SLC11A2: variants seen among roughly 807,000 people sequenced by gnomAD.
The protein encoded by SLC11A2 is solute carrier family 11 member 2, also known as natural resistance-associated macrophage protein 2.
SLC11A2 carries 38 observed loss-of-function variants against 68.0 expected under a neutral mutation model. The observed-to-expected ratio is 0.56, with a 90% CI of 0.43 to 0.73. SLC11A2 has a LOEUF of 0.73. Ranked by LOEUF, SLC11A2 falls within the 30% of genes least tolerant of loss-of-function variation. The probability of loss-of-function intolerance (pLI) is 0.00; values close to 1 mark genes in which losing one functional copy is unlikely to be tolerated. For synonymous variants in SLC11A2, 242 were observed against 250.6 expected, an observed-to-expected ratio of 0.97 and a Z score of 0.32; for missense variants, 517 against 690.5, an observed-to-expected ratio of 0.75 and a Z score of 2.82.
At chr12:50,997,077 C>T in intron 8 of SLC11A2, 105 bp from the exon 9 acceptor site, 1 of 900,822 alleles carries the variant, frequency 1.1e-6, no homozygotes, top group Non-Finnish European at 1.8e-6. Flanking sequence ...ATGCCTTCTT[C>T]CTTATTTTTA....
In SLC11A2 at chr12:50,999,331, C is replaced by T. The variant is rs756323691; in HGVS notation, c.607+14G>A. 2 of 1,612,558 alleles carry T rather than the reference C, an allele frequency of 1.2e-6. No individual in the cohort carries two copies. The highest frequency in any genetic ancestry group is 2.2e-5 in the South Asian group (2 of 91,048). On this transcript the variant is annotated intron_variant, in intron 7 of 15. Transcript: ENST00000262052. ...GAGCAGCTCCTTTGACCCTCCCATT[C>T]CCGCTCTCCTTACCATATTTGTCCA...
upstream of SLC11A2, chr12:51,028,560 G>T (rs1336520960): frequency 2.4e-5 from 6 of 250,044 alleles, no homozygotes; most frequent in African/African-American, 1.3e-4. Flanking sequence ...GCCAGTGGTT[G>T]AAAGGGGTGG....
chr12:50,994,489 A>G (rs528820474), intron 11 of SLC11A2, 55 bp downstream of exon 11: 7 of 1,125,202 alleles, frequency 6.2e-6, no homozygotes, highest in South Asian at 6.2e-5. Flanking sequence ...AAGACCACAT[A>G]CTATGCTAAA....
chr12:51,005,050 T>A, intron 4 of SLC11A2, 143 bp from the exon 5 acceptor site: 1 of 1,084,026 alleles, frequency 9.2e-7, no homozygotes, highest in Non-Finnish European at 1.4e-6. Context: ...TTGAGTTCTA[T>A]AACAGATTTT....
the SLC11A2 span, among the ~76,000 whole-genome samples, chr12:50,965,506 T>A: frequency 2.0e-5 from 3 of 152,282 alleles, no homozygotes; most frequent in African/African-American, 7.2e-5. Context: ...GTGTAAGAAT[T>A]CTGACAGTTG....
intron 5 of SLC11A2, among the ~76,000 whole-genome samples, chr12:51,002,899 C>T (rs1292424136): frequency 1.3e-5 from 2 of 150,522 alleles, no homozygotes; most frequent in Non-Finnish European, 2.9e-5. Context: ...GAGATCACGC[C>T]ACTGTACTCC....
In SLC11A2 at chr12:50,992,926, C is replaced by T; in HGVS notation, c.1081G>A (p.Val361Ile). ...GGCCCAAAGTAACATCCCAGCACAA[C>T]ACCCTGTGAGAGGCCAAGAGGAAGG... Reference protein sequence around the residue: ...TLAVDIYKGGVVLGCYFGPAA... With the variant: ...TLAVDIYKGGIVLGCYFGPAA... The change falls in exon 12 of 16, where the codon GTT (valine) becomes ATT (isoleucine). Residue 361 changes from valine (V) to isoleucine (I), a missense_variant. By Grantham distance (29) the Val-to-Ile change is conservative. Transcript: ENST00000262052. 2 of 1,613,832 alleles carry T rather than the reference C, an allele frequency of 1.2e-6. No individual in the cohort carries two copies. The highest frequency in any genetic ancestry group is 1.7e-6 in the Non-Finnish European group (2 of 1,179,918).
At position 50,986,678 on chromosome 12, in the gene SLC11A2, A is replaced by G. The variant is rs971412714; in HGVS notation, c.*1647T>C. ...AGTGCCTTTATGACCAGTTTGGAGA[A>G]TTACGATGGTAAGGGGAAGAGGCAG... On this transcript the variant is annotated 3_prime_UTR_variant, in exon 16 of 16. Transcript: ENST00000262052. 1.6e-5 allele frequency: 20 copies of G among 1,286,672 alleles called. No individual in the cohort carries two copies. The highest frequency in any genetic ancestry group is 2.0e-5 in the Non-Finnish European group (20 of 988,398). The allele number at this position is 1,286,672 out of a possible 1,614,324, so 79.7% of individuals were successfully genotyped here.
chr12:51,022,725 C>G (rs997866314), intron 1 of SLC11A2, among the ~76,000 whole-genome samples: 1 of 152,166 alleles, frequency 6.6e-6, no homozygotes, highest in South Asian at 2.1e-4. Flanking sequence ...TAACAAGCCT[C>G]TTTCTGCTCT....
the SLC11A2 span, among the ~76,000 whole-genome samples, chr12:50,959,521 A>C: frequency 6.6e-6 from 1 of 152,020 alleles, no homozygotes; most frequent in Non-Finnish European, 1.5e-5. Context: ...CTTATCCAAA[A>C]ATTTTTTTTC....
chr12:50,970,883 T>G, the SLC11A2 span, among the ~76,000 whole-genome samples: 1 of 152,052 alleles, frequency 6.6e-6, no homozygotes, highest in Non-Finnish European at 1.5e-5. Context: ...TTATTTTATT[T>G]TATTTTATTT....
At chr12:51,015,588 G>A (rs1212948503) in intron 1 of SLC11A2, among the ~76,000 whole-genome samples, 1 of 151,984 alleles carries the variant, frequency 6.6e-6, no homozygotes, top group Non-Finnish European at 1.5e-5. Flanking sequence ...GACCCATATG[G>A]AAGCAGTAAG....
the SLC11A2 span, among the ~76,000 whole-genome samples, chr12:50,962,317 A>G: frequency 3.9e-5 from 6 of 152,128 alleles, no homozygotes; most frequent in African/African-American, 1.4e-4. Flanking sequence ...AGGCTGAGGC[A>G]GGAGAATCGC....
intron 3 of SLC11A2, among the ~76,000 whole-genome samples, chr12:51,006,756 ATTTC>A (rs1304718989): frequency 2.0e-5 from 3 of 151,784 alleles, no homozygotes; most frequent in Non-Finnish European, 4.4e-5. Context: ...CTTTCAACCA[ATTTC>A]TTTTTTTATT....
chr12:50,972,851 G>A, the SLC11A2 span, among the ~76,000 whole-genome samples: 5 of 152,212 alleles, frequency 3.3e-5, no homozygotes, highest in African/African-American at 7.2e-5. Context: ...TATATCCCGC[G>A]CATGGCTCAC....
intron 1 of SLC11A2, among the ~76,000 whole-genome samples, chr12:51,013,596 T>C (rs1416480728): frequency 1.3e-5 from 2 of 151,850 alleles, no homozygotes; most frequent in Non-Finnish European, 2.9e-5. Flanking sequence ...GAAAATCACC[T>C]GGGCGTGGTA....
At chr12:51,004,617 T>C (rs950035862) in intron 5 of SLC11A2, among the ~76,000 whole-genome samples, 171 bp downstream of exon 5, 1 of 152,156 alleles carries the variant, frequency 6.6e-6, no homozygotes, top group Non-Finnish European at 1.5e-5. Context: ...GGGGAAAACA[T>C]GGCCTGGCAG....
the SLC11A2 span, among the ~76,000 whole-genome samples, chr12:50,972,975 G>C: frequency 6.6e-6 from 1 of 152,210 alleles, no homozygotes; most frequent in Non-Finnish European, 1.5e-5. Context: ...GGCTTGAGTA[G>C]GTAAACAAAG....
chr12:51,004,304 C>T (rs1353154541), intron 5 of SLC11A2, among the ~76,000 whole-genome samples: 3 of 152,144 alleles, frequency 2.0e-5, no homozygotes, highest in East Asian at 1.9e-4. Flanking sequence ...GTGTAGCCCC[C>T]GGTGGGAGGG....
Sources: gnomAD v4.1 joint callset for allele counts (sites outside exome capture counted in the v4.1 genomes callset) on GRCh38, gnomAD v4.1.1 for gene constraint, MANE v1.5 for transcripts, NCBI Gene and HGNC (gene_info 2026-07-23, HGNC 2026-07-21) for gene names.